MLLT10: variants seen among roughly 807,000 people sequenced by gnomAD.
MLLT10 encodes the protein protein AF-10.
In MLLT10, 30 loss-of-function variants were observed where a neutral mutation model predicts 129.1. The observed-to-expected ratio is 0.23, with a 90% CI of 0.17 to 0.32. MLLT10 has a LOEUF of 0.32. MLLT10 is among the 10% of genes least tolerant of loss of function. The pLI is 1.00. For synonymous variants in MLLT10, 490 were observed against 446.4 expected, an observed-to-expected ratio of 1.10 and a Z score of -1.23; for missense variants, 1,119 against 1,268.3, an observed-to-expected ratio of 0.88 and a Z score of 1.79.
At chr10:21,687,827 G>A (rs559683832) in intron 13 of MLLT10, among the ~76,000 whole-genome samples, 5 of 152,170 alleles carry the variant, frequency 3.3e-5, no homozygotes, top group Admixed American at 3.3e-4. Flanking sequence ...GAGCTATGAT[G>A]AGTTTGTGGG....
In MLLT10 at chr10:21,733,036, A is replaced by G; in HGVS notation, c.2356A>G (p.Thr786Ala). The G allele has an allele frequency of 6.2e-7, 1 of 1,613,790 alleles. No individual in the cohort carries two copies. The highest frequency in any genetic ancestry group is 1.7e-5 in the Admixed American group (1 of 59,956). ...GCTTTCAGTGCCTTTTCCAACAATA[A>G]CAGCAAATCCTAGTCCGTCTCATCA... is the stretch of plus-strand genomic sequence containing the variant. ...AQLSVPFPTITANPSPSHQIH... is the reference protein window; with the variant it reads ...AQLSVPFPTIAANPSPSHQIH... The change falls in exon 18 of 23, where the codon ACA (threonine) becomes GCA (alanine). Residue 786 changes from threonine to alanine, a missense_variant. By Grantham distance (58) the Thr-to-Ala change is moderately conservative. Around this residue, in one of 5 missense-constraint regions of MLLT10, gnomAD observed 1,004 missense variants for 1,008.7 expected, o/e 1.00. Coordinates refer to ENST00000307729, the MANE Select transcript of MLLT10 (RefSeq NM_001195626.3).
intron 3 of MLLT10, among the ~76,000 whole-genome samples, chr10:21,581,190 C>T (rs1293865393): frequency 1.3e-5 from 2 of 151,750 alleles, no homozygotes; most frequent in South Asian, 2.1e-4. Flanking sequence ...GGACTACAGG[C>T]GCCCACTATC....
intron 8 of MLLT10, among the ~76,000 whole-genome samples, chr10:21,649,268 G>T (rs2048795907): frequency 6.6e-6 from 1 of 151,868 alleles, no homozygotes; most frequent in African/African-American, 2.4e-5. Context: ...GTAGAGATGG[G>T]GTCTCCCTAT....
At chr10:21,549,953 T>G (rs1340648068) in intron 3 of MLLT10, among the ~76,000 whole-genome samples, 1 of 152,212 alleles carries the variant, frequency 6.6e-6, no homozygotes, top group East Asian at 1.9e-4. Context: ...GTTGTACTCT[T>G]AAACTAATTG....
chr10:21,554,088 AT>A (rs2037520760), intron 3 of MLLT10, among the ~76,000 whole-genome samples: 1 of 151,884 alleles, frequency 6.6e-6, no homozygotes, highest in Non-Finnish European at 1.5e-5. Context: ...GGTCCTTTTG[AT>A]TTGTTAGCTC....
At chr10:21,734,984 TATAG>T (rs1317074905) in intron 20 of MLLT10, among the ~76,000 whole-genome samples, 151 bp from the exon 21 acceptor site, 1 of 152,132 alleles carries the variant, frequency 6.6e-6, no homozygotes, top group East Asian at 1.9e-4. Context: ...CATACATATA[TATAG>T]AAATTGTACA....
intron 2 of MLLT10, among the ~76,000 whole-genome samples, chr10:21,538,154 ATTTT>A (rs747900217): frequency 7.5e-6 from 1 of 132,762 alleles, no homozygotes; most frequent in African/African-American, 2.8e-5. Context: ...TGCCCAGCTA[ATTTT>A]TTTTTTTTTT....
chr10:21,695,706 A>G (rs2054294470), intron 13 of MLLT10, among the ~76,000 whole-genome samples: 1 of 152,122 alleles, frequency 6.6e-6, no homozygotes, highest in South Asian at 2.1e-4. Flanking sequence ...TTGTGAACTT[A>G]AGTTTTATCG....
chr10:21,726,017 C>T (rs936650314), intron 14 of MLLT10, among the ~76,000 whole-genome samples: 1 of 152,066 alleles, frequency 6.6e-6, no homozygotes, highest in African/African-American at 2.4e-5. Flanking sequence ...TCCCAAAGTG[C>T]TGGGATTACA....
chr10:21,653,426 T>G (rs941674536), intron 9 of MLLT10, among the ~76,000 whole-genome samples: 1 of 152,160 alleles, frequency 6.6e-6, no homozygotes. Flanking sequence ...CTTGTGCCAT[T>G]GTCAGATGAT....
intron 4 of MLLT10, among the ~76,000 whole-genome samples, chr10:21,589,456 T>C (rs1285841893): frequency 6.6e-6 from 1 of 151,828 alleles, no homozygotes; most frequent in Non-Finnish European, 1.5e-5. Context: ...GCTTTGAGAG[T>C]GTTGGAATTA....
At chr10:21,717,810 T>TCCTTCTCCTC (rs2056820207) in intron 14 of MLLT10, among the ~76,000 whole-genome samples, 1 of 87,964 alleles carries the variant, frequency 1.1e-5, no homozygotes, top group South Asian at 4.9e-4. Context: ...TCCTTCTTCT[T>TCCTTCTCCTC]CTCCTTCTTC....
At chr10:21,717,833 TCCTCCTTCTCCTCCTCCTTCTC>T (rs1564712152) in intron 14 of MLLT10, among the ~76,000 whole-genome samples, 3 of 148,346 alleles carry the variant, frequency 2.0e-5, no homozygotes, top group Non-Finnish European at 4.5e-5. Flanking sequence ...CTCCTTCTCC[TCCTCCTTCTCCTCCTCCTTCTC>T]CTCCTCCTTC....
In MLLT10 at chr10:21,673,459, C is replaced by T. The variant is rs2051720997; in HGVS notation, c.1161C>T (p.Tyr387=). 2 of 1,613,484 alleles carry T rather than the reference C, an allele frequency of 1.2e-6. No individual in the cohort carries two copies. Among genetic ancestry groups the T allele is most frequent in the African/African-American group, 1.3e-5 (1 of 74,750 alleles). ...FTDSDLRNDS[Y]SHSQQSSATK... is the part of the protein sequence containing the mutation. ...ACTCAGATCTGCGTAATGACAGTTA[C>T]TCTCACTCCCAACAGTCATCAGCAA... The change falls in exon 11 of 23, where the codon TAC becomes TAT. Residue 387 remains tyrosine (Y), a synonymous_variant. Transcript: ENST00000307729.
Position 21,657,542 on chromosome 10 carries a change from C to T in MLLT10, c.795+5774C>T, listed in dbSNP as rs190334044. On this transcript the variant is annotated intron_variant, in intron 9 of 22. Transcript: ENST00000307729. The stretch of plus-strand genomic sequence containing the variant: ...TAAATTGACAAATTGAACCTCACAG[C>T]TTGTTAAAAGCAATCTTTAACACAT... Among the ~76,000 whole-genome samples the T allele has an allele frequency of 1.8e-3, 272 of 152,120 alleles. 2 individuals are homozygous for T. The highest frequency in any genetic ancestry group is 2.7e-3 in the Non-Finnish European group (186 of 68,002).
intron 14 of MLLT10, among the ~76,000 whole-genome samples, chr10:21,721,094 A>G (rs2057099730): frequency 6.6e-6 from 1 of 152,158 alleles, no homozygotes; most frequent in Admixed American, 6.5e-5. Context: ...ATATTTTTGG[A>G]AGATTGCATT....
chr10:21,741,945 A>C lies in MLLT10; in HGVS notation c.3169A>C (p.Ser1057Arg), dbSNP rs755973743. The change falls in exon 23 of 23, where the codon AGT becomes CGT. Residue 1057 changes from serine to arginine, a missense_variant. Physicochemically the swap from Ser to Arg is moderately radical, Grantham distance 110. Around this residue, in one of 5 missense-constraint regions of MLLT10, gnomAD observed 1,004 missense variants for 1,008.7 expected, o/e 1.00. Transcript: ENST00000307729. Reference protein sequence around the residue: ...DNASQKVARLSDKTGPVAQEK... With the variant: ...DNASQKVARLRDKTGPVAQEK... ...CTCTTTTGTTTACCTGCAGAGACTT[A>C]GTGATAAAACTGGGCCTGTAGCTCA... The C allele has an allele frequency of 1.2e-6, 2 of 1,611,606 alleles. No homozygotes were observed. Among genetic ancestry groups the C allele is most frequent in the Non-Finnish European group, 1.7e-6 (2 of 1,179,412 alleles).
rs1446840238 is a variant in MLLT10, at chr10:21,628,777, C to T, written c.699+11570C>T. 1.0e-4 allele frequency among the ~76,000 whole-genome samples: 13 copies of T among 127,120 alleles called. No homozygotes were observed. The East Asian group carries it at 2.6e-3, about 25-fold the overall frequency. The allele number at this position is 127,120 out of a possible 152,430, so 83.4% of individuals were successfully genotyped here. A position where few individuals can be genotyped will look rare whatever the true frequency, so the allele number is the denominator to read the frequency against. ...TTTTTTTTTTTTTGACACAGAGTCT[C>T]GCTCTGTCTCCCAGGCTGGAGTGCG... On this transcript the variant is annotated intron_variant, in intron 8 of 22. Transcript: ENST00000307729.
In MLLT10 at chr10:21,546,820, C is replaced by T. The variant is rs1008197710; in HGVS notation, c.240+7908C>T. 6.6e-5 allele frequency among the ~76,000 whole-genome samples: 10 copies of T among 151,966 alleles called. 1 individual carries two copies. Among genetic ancestry groups the T allele is most frequent in the East Asian group, 3.9e-4 (2 of 5,152 alleles). On this transcript the variant is annotated intron_variant, in intron 3 of 22. Transcript: ENST00000307729. ...TTGGCTCACCACAACTTCCGCTTCC[C>T]GGGTTCAAGCGATTGTCCTGCCTCA...
Sources: gnomAD v4.1 joint callset for allele counts (sites outside exome capture counted in the v4.1 genomes callset) on GRCh38, gnomAD v4.1.1 for gene constraint, gnomAD v4.1.1 regional missense constraint, MANE v1.5 for transcripts, NCBI Gene and HGNC (gene_info 2026-07-23, HGNC 2026-07-21) for gene names.